Variants in SSTR3 observed in about 807,000 individuals in gnomAD.
The protein encoded by SSTR3 is somatostatin receptor 3.
For missense variants in SSTR3, 504 were observed against 604.7 expected (o/e 0.83, Z 1.75); for synonymous variants, 281 against 269.2 (o/e 1.04, Z -0.43).
In SSTR3 at chr22:37,212,182, G is replaced by C. The variant is rs907826787; in HGVS notation, c.-394C>G. 1 of 984,060 alleles carries C rather than the reference G, an allele frequency of 1.0e-6. No individual in the cohort carries two copies. Among genetic ancestry groups the C allele is most frequent in the African/African-American group, 1.8e-5 (1 of 56,926 alleles). The allele number at this position is 984,060 out of a possible 1,614,324, so 61.0% of individuals were successfully genotyped here. A position where few individuals can be genotyped will look rare whatever the true frequency, so the allele number is the denominator to read the frequency against. The stretch of plus-strand genomic sequence containing the variant: ...ACACAGAAGCCAATAGAAATAGAGG[G>C]GAAAGGGGGTCGGGAGGAGGTGGAG... On this transcript the variant is annotated 5_prime_UTR_variant, in exon 1 of 2. Coordinates refer to ENST00000610913, the MANE Select transcript of SSTR3 (RefSeq NM_001051.5).
At position 37,206,991 on chromosome 22, in the gene SSTR3, C is replaced by T; in HGVS notation, c.813G>A (p.Met271Ile). 1 of 1,612,234 alleles carries T rather than the reference C, an allele frequency of 6.2e-7. No individual in the cohort carries two copies. The highest frequency in any genetic ancestry group is 1.1e-5 in the South Asian group (1 of 91,042). ...AVVALFVLCW[M>I]PFYVLNIVNV... ...TGACGATGTTGAGCACGTAGAAGGG[C>T]ATCCAGCAGAGCACGAAGAGCGCCA... The change falls in exon 2 of 2, where the codon ATG becomes ATA. Residue 271 changes from methionine to isoleucine, a missense_variant. Coordinates refer to ENST00000610913, the MANE Select transcript of SSTR3 (RefSeq NM_001051.5).
the SSTR3 span, among the ~76,000 whole-genome samples, chr22:37,219,766 C>T: frequency 6.6e-6 from 1 of 152,168 alleles, no homozygotes; most frequent in African/African-American, 2.4e-5. Context: ...GTTGGCTGGG[C>T]TCATTCAGGC....
chr22:37,206,884 C>T lies in SSTR3; in HGVS notation c.920G>A (p.Cys307Tyr), dbSNP rs761016457. Reference sequence around the variant, plus strand: ...GAAGCCATAAAGGATGGGGTTGGCACAGCTGTTGGCATAGGGCAGCGCCAC... The same window carrying T: ...GAAGCCATAAAGGATGGGGTTGGCATAGCTGTTGGCATAGGGCAGCGCCAC... ...LVVALPYANS[C>Y]ANPILYGFLS... Residue 307 changes from cysteine to tyrosine, a missense_variant, in exon 2 of 2, where the codon TGT becomes TAT. Coordinates refer to ENST00000610913, the MANE Select transcript of SSTR3 (RefSeq NM_001051.5). 26 of 1,613,432 alleles carry T rather than the reference C, an allele frequency of 1.6e-5. No homozygotes were observed. The highest frequency in any genetic ancestry group is 2.1e-5 in the Non-Finnish European group (25 of 1,180,028).
At position 37,207,400 on chromosome 22, in the gene SSTR3, G is replaced by A. The variant is rs1399165472; in HGVS notation, c.404C>T (p.Thr135Ile). 2 of 1,612,990 alleles carry A rather than the reference G, an allele frequency of 1.2e-6. No individual in the cohort carries two copies. Among genetic ancestry groups the A allele is most frequent in the Non-Finnish European group, 1.7e-6 (2 of 1,179,566 alleles). ...INQFTSIFCLTVMSVDRYLAV... is the reference protein window; with the variant it reads ...INQFTSIFCLIVMSVDRYLAV... ...CAGGTAGCGGTCCACGCTCATGACA[G>A]TCAGGCAGAATATGCTGGTGAACTG... The change falls in exon 2 of 2, where the codon ACT (threonine) becomes ATT (isoleucine). Residue 135 changes from threonine (T) to isoleucine (I), a missense_variant. Coordinates refer to ENST00000610913, the MANE Select transcript of SSTR3 (RefSeq NM_001051.5).
Position 37,206,239 on chromosome 22 carries a change from G to A in SSTR3, c.*308C>T, listed in dbSNP as rs1390988374. Reference sequence around the variant, plus strand: ...CCCCAAGACACTCCATCCCTGGGGGGAGGCCAGTCTGCACCCACCTTTTGC... The same window carrying A: ...CCCCAAGACACTCCATCCCTGGGGGAAGGCCAGTCTGCACCCACCTTTTGC... On this transcript the variant is annotated 3_prime_UTR_variant, in exon 2 of 2. Coordinates refer to ENST00000610913, the MANE Select transcript of SSTR3 (RefSeq NM_001051.5). 3 of 328,180 alleles carry A rather than the reference G, an allele frequency of 9.1e-6. No homozygotes were observed. Among genetic ancestry groups the A allele is most frequent in the African/African-American group, 2.1e-5 (1 of 46,534 alleles). The allele number at this position is 328,180 out of a possible 1,614,324, so 20.3% of individuals were successfully genotyped here.
At chr22:37,219,793 T>C in the SSTR3 span, among the ~76,000 whole-genome samples, 1 of 152,202 alleles carries the variant, frequency 6.6e-6, no homozygotes, top group Non-Finnish European at 1.5e-5. Flanking sequence ...TTTTCTTTGA[T>C]GGTGGCTGAC....
intron 1 of SSTR3, among the ~76,000 whole-genome samples, chr22:37,208,363 G>A (rs551993367): frequency 2.3e-4 from 35 of 152,308 alleles, no homozygotes; most frequent in Middle Eastern, 3.4e-3. Context: ...GATTCTTCAG[G>A]TTCCAAATGG....
chr22:37,220,171 G>A, the SSTR3 span, among the ~76,000 whole-genome samples: 1 of 152,174 alleles, frequency 6.6e-6, no homozygotes, highest in African/African-American at 2.4e-5. Context: ...AGAGAAGCAG[G>A]AGGAGGAGGT....
At chr22:37,219,316 G>A in the SSTR3 span, among the ~76,000 whole-genome samples, 28,117 of 152,154 alleles carry the variant, frequency 0.18, 3,024 homozygotes, top group East Asian at 0.29. Flanking sequence ...CTGAGCTGCT[G>A]GTGCGCAAGG....
chr22:37,219,657 C>T, the SSTR3 span, among the ~76,000 whole-genome samples: 4 of 152,116 alleles, frequency 2.6e-5, no homozygotes, highest in Admixed American at 2.6e-4. Flanking sequence ...AGTCTAGACT[C>T]CAAAAAGTCA....
intron 1 of SSTR3, among the ~76,000 whole-genome samples, chr22:37,211,383 T>C (rs1400710951): frequency 6.6e-6 from 1 of 152,204 alleles, no homozygotes; most frequent in East Asian, 1.9e-4. Flanking sequence ...TGATGCCAAA[T>C]TGCTGTGTGA....
chr22:37,215,192 T>TATATATA (rs1308142715), upstream of SSTR3, among the ~76,000 whole-genome samples: 2 of 152,182 alleles, frequency 1.3e-5, no homozygotes, highest in African/African-American at 4.8e-5. Context: ...TGGATTATAG[T>TATATATA]GAACCTGTAT....
rs746570552 is a variant in SSTR3 at position 37,207,389 on chromosome 22, C to T, written c.415G>A (p.Val139Met). The part of the protein sequence containing the change: ...TSIFCLTVMS[V>M]DRYLAVVHPT... ...TGTACCACGGCCAGGTAGCGGTCCA[C>T]GCTCATGACAGTCAGGCAGAATATG... is the stretch of plus-strand genomic sequence containing the variant. Residue 139 changes from valine (V) to methionine (M), a missense_variant, in exon 2 of 2, where the codon GTG becomes ATG. Val to Met is a conservative substitution (Grantham distance 21, BLOSUM62 1). Transcript: ENST00000610913. 1.2e-5 allele frequency: 19 copies of T among 1,612,620 alleles called. No homozygotes were observed. The highest frequency in any genetic ancestry group is 8.9e-5 in the East Asian group (4 of 44,866).
rs4988467 is a variant in SSTR3 at position 37,207,471 on chromosome 22, G to A, written c.333C>T (p.Phe111=). ...AAQNALSYWP[F]GSLMCRLVMA... Reference sequence around the variant, plus strand: ...TGACCAGGCGGCACATGAGGGAGCCGAAGGGCCAGTAGGACAGGGCGTTCT... The same window carrying A: ...TGACCAGGCGGCACATGAGGGAGCCAAAGGGCCAGTAGGACAGGGCGTTCT... Residue 111 remains phenylalanine, a synonymous_variant, in exon 2 of 2, where the codon TTC becomes TTT. Coordinates refer to ENST00000610913, the MANE Select transcript of SSTR3 (RefSeq NM_001051.5). 68 of 1,613,554 alleles carry A rather than the reference G, an allele frequency of 4.2e-5. No homozygotes were observed. Among genetic ancestry groups the A allele is most frequent in the South Asian group, 2.0e-4 (18 of 91,092 alleles).
At chr22:37,207,907 TGC>T in intron 1 of SSTR3, 68 bp from the exon 2 acceptor site, 8 of 1,373,644 alleles carry the variant, frequency 5.8e-6, no homozygotes, top group Non-Finnish European at 7.5e-6. Context: ...CCTCCCATCA[TGC>T]CGAACCTGGG....
rs1569079635 is a variant in SSTR3, at chr22:37,207,579, G to A, written c.225C>T (p.Ser75=). Residue 75 remains serine (S), a synonymous_variant, in exon 2 of 2, where the codon AGC becomes AGT. Coordinates refer to ENST00000610913, the MANE Select transcript of SSTR3 (RefSeq NM_001051.5). ...VIYVVLRHTA[S]PSVTNVYILN... ...GGATGTAGACGTTGGTGACTGAAGG[G>A]CTGGCCGTGTGCCGCAGGACCACAT... 6.2e-7 allele frequency: 1 copy of A among 1,613,108 alleles called. No individual in the cohort carries two copies. Among genetic ancestry groups the A allele is most frequent in the African/African-American group, 1.3e-5 (1 of 74,940 alleles).
intron 1 of SSTR3, chr22:37,210,494 C>G (rs1926126622): frequency 5.1e-6 from 5 of 983,906 alleles, no homozygotes; most frequent in Non-Finnish European, 6.0e-6. Context: ...TTTGAGGGGC[C>G]CAGGCAGCAG....
In SSTR3 at chr22:37,207,067, T is replaced by C; in HGVS notation, c.737A>G (p.Gln246Arg). 6.2e-7 allele frequency: 1 copy of C among 1,612,122 alleles called. No individual in the cohort carries two copies. Among genetic ancestry groups the C allele is most frequent in the Non-Finnish European group, 8.5e-7 (1 of 1,179,436 alleles). ...AGRRVWAPSC[Q>R]RRRRSERRVT... is the part of the protein sequence containing the mutation. ...CCTGCGTTCGGAGCGCCGCCGCCGC[T>C]GGCACGAGGGTGCCCACACCCGGCG... The change falls in exon 2 of 2, where the codon CAG becomes CGG. Residue 246 changes from glutamine (Q) to arginine (R), a missense_variant. Physicochemically the swap from Gln to Arg is conservative, Grantham distance 43 (BLOSUM62 1). Coordinates refer to ENST00000610913, the MANE Select transcript of SSTR3 (RefSeq NM_001051.5).
upstream of SSTR3, among the ~76,000 whole-genome samples, chr22:37,215,245 A>C (rs1476415767): frequency 1.3e-5 from 2 of 152,014 alleles, no homozygotes; most frequent in Non-Finnish European, 2.9e-5. Context: ...TTACATACCC[A>C]TGGTAATTTT....
Sources: allele counts gnomAD v4.1 joint callset (sites outside exome capture counted in the v4.1 genomes callset), GRCh38; gene constraint gnomAD v4.1.1; transcripts MANE v1.5; gene names NCBI Gene and HGNC (gene_info 2026-07-23, HGNC 2026-07-21).